Variants in ARHGAP25 observed in about 807,000 individuals in gnomAD.
The protein encoded by ARHGAP25 is Rho GTPase activating protein 25.
ARHGAP25 carries 34 observed loss-of-function variants against 71.0 expected under a neutral mutation model. The observed-to-expected ratio is 0.48, with a 90% confidence interval of 0.36 to 0.64. The LOEUF (loss-of-function observed/expected upper bound fraction) is 0.64, where lower values mean the gene tolerates loss of function less well. Ranked by LOEUF, ARHGAP25 falls within the 30% of genes least tolerant of loss-of-function variation. The probability of loss-of-function intolerance (pLI) is 0.00; values close to 1 mark genes in which losing one functional copy is unlikely to be tolerated. For missense variants in ARHGAP25, 706 were observed against 805.1 expected (o/e 0.88, Z 1.49); for synonymous variants, 282 against 296.5 (o/e 0.95, Z 0.50).
chr2:68,733,402 G>A (rs1675077843), upstream of ARHGAP25, among the ~76,000 whole-genome samples: 1 of 152,172 alleles, frequency 6.6e-6, no homozygotes, highest in Non-Finnish European at 1.5e-5. Context: ...AGAGATATTT[G>A]CAAGTTAGAC....
At chr2:68,775,809 C>A in intron 2 of ARHGAP25, 1 of 425,012 alleles carries the variant, frequency 2.4e-6, no homozygotes. Flanking sequence ...ATGCCACACA[C>A]TGTTCTAGGT....
chr2:68,807,549 C>T (rs576542477), intron 5 of ARHGAP25, 69 bp downstream of exon 5: 1 of 1,480,336 alleles, frequency 6.8e-7, no homozygotes, highest in East Asian at 2.3e-5. Flanking sequence ...GAGGGCCTCT[C>T]CATTCCAGTT....
At chr2:68,801,462 GCTTGCTGTATCA>G (rs1308354308) in intron 4 of ARHGAP25, among the ~76,000 whole-genome samples, 1 of 152,208 alleles carries the variant, frequency 6.6e-6, no homozygotes, top group Non-Finnish European at 1.5e-5. Flanking sequence ...GAAGGAGGTG[GCTTGCTGTATCA>G]CTTGCTGCTG....
intron 2 of ARHGAP25, among the ~76,000 whole-genome samples, chr2:68,781,346 C>T (rs567176699): frequency 6.6e-5 from 10 of 152,144 alleles, no homozygotes; most frequent in East Asian, 1.9e-4. Context: ...GCTGAGATCA[C>T]GCCACTGCAC....
intron 2 of ARHGAP25, among the ~76,000 whole-genome samples, chr2:68,718,067 T>A (rs1674660976): frequency 6.6e-6 from 1 of 151,886 alleles, no homozygotes; most frequent in South Asian, 2.1e-4. Flanking sequence ...CTGTGAACAC[T>A]CAGCAGCTAC....
chr2:68,798,994 T>C (rs1679770285), intron 4 of ARHGAP25, among the ~76,000 whole-genome samples: 1 of 152,120 alleles, frequency 6.6e-6, no homozygotes, highest in South Asian at 2.1e-4. Flanking sequence ...GGAAAATGGA[T>C]TGGGCTGGAG....
At chr2:68,788,547 A>G (rs1377566034) in intron 4 of ARHGAP25, among the ~76,000 whole-genome samples, 1 of 152,216 alleles carries the variant, frequency 6.6e-6, no homozygotes, top group Non-Finnish European at 1.5e-5. Flanking sequence ...ACAACTCAAG[A>G]ATTTGAGCTC....
At position 68,783,466 on chromosome 2, in the gene ARHGAP25, GT is replaced by G. The variant is rs1260324902; in HGVS notation, c.349+1157del. ...TTTGTTTTTTTTGTTTTTTGTTTTT[GT>G]TTTTTTTTTTGAGTTGGGACAGTCT... On this transcript the variant is annotated intron_variant, in intron 3 of 10. Coordinates refer to ENST00000409202, the MANE Select transcript of ARHGAP25 (RefSeq NM_001007231.3). Among the ~76,000 whole-genome samples the G allele has an allele frequency of 1.5e-3, 214 of 143,876 alleles. No individual in the cohort carries two copies. In the East Asian group the frequency reaches 0.023, roughly 16 times the overall value. The allele number at this position is 143,876 out of a possible 152,430, so 94.4% of individuals were successfully genotyped here. A position where few individuals can be genotyped will look rare whatever the true frequency, so the allele number is the denominator to read the frequency against.
chr2:68,732,466 G>A (rs1356519709), upstream of ARHGAP25, among the ~76,000 whole-genome samples: 2 of 152,182 alleles, frequency 1.3e-5, no homozygotes, highest in Non-Finnish European at 2.9e-5. Flanking sequence ...TCTCACACCC[G>A]CTTAATTAAG....
chr2:68,765,480 T>C (rs1346583999), intron 1 of ARHGAP25, among the ~76,000 whole-genome samples: 2 of 152,206 alleles, frequency 1.3e-5, no homozygotes, highest in South Asian at 2.1e-4. Flanking sequence ...TGAACCCCCA[T>C]GTAGACCCAC....
At chr2:68,758,455 A>G (rs1676610515) in intron 1 of ARHGAP25, among the ~76,000 whole-genome samples, 2 of 151,998 alleles carry the variant, frequency 1.3e-5, no homozygotes, top group Admixed American at 6.5e-5. Flanking sequence ...AGAATGAGTG[A>G]CTATACTAAT....
In ARHGAP25 at chr2:68,819,332, G is replaced by T. The variant is rs770211030; in HGVS notation, c.1200+13G>T. 6.2e-7 allele frequency: 1 copy of T among 1,613,448 alleles called. No individual in the cohort carries two copies. The highest frequency in any genetic ancestry group is 8.5e-7 in the Non-Finnish European group (1 of 1,179,362). On this transcript the variant is annotated intron_variant, in intron 9 of 10. Coordinates refer to ENST00000409202, the MANE Select transcript of ARHGAP25 (RefSeq NM_001007231.3). ...CTTCAGTAGCATGGTAAGGTGCAGA[G>T]AACCTTCCTGCTTCCATTGGGTTCT...
chr2:68,816,212 G>C (rs1382079167), intron 6 of ARHGAP25, 77 bp from the exon 7 acceptor site: 1 of 1,217,846 alleles, frequency 8.2e-7, no homozygotes, highest in Admixed American at 1.7e-5. Flanking sequence ...CACCAATTCT[G>C]TCCCAGGGTC....
At chr2:68,815,836 C>T (rs575709690) in intron 6 of ARHGAP25, among the ~76,000 whole-genome samples, 13 of 152,080 alleles carry the variant, frequency 8.5e-5, no homozygotes, top group Non-Finnish European at 1.3e-4. Flanking sequence ...CTCTGTGTCC[C>T]GGCATGTCTC....
intron 4 of ARHGAP25, among the ~76,000 whole-genome samples, chr2:68,791,633 C>T (rs1213078598): frequency 6.6e-6 from 1 of 152,072 alleles, no homozygotes; most frequent in Non-Finnish European, 1.5e-5. Flanking sequence ...GACAGCAAAA[C>T]ATTTTCAGAC....
intron 1 of ARHGAP25, among the ~76,000 whole-genome samples, chr2:68,758,051 CT>C (rs1296914488): frequency 6.6e-6 from 1 of 151,932 alleles, no homozygotes; most frequent in African/African-American, 2.4e-5. Context: ...AATATCATCA[CT>C]TTAGGATAGT....
chr2:68,787,231 G>A (rs1678822664), intron 3 of ARHGAP25, among the ~76,000 whole-genome samples: 1 of 152,142 alleles, frequency 6.6e-6, no homozygotes, highest in Non-Finnish European at 1.5e-5. Flanking sequence ...TATAATCTTA[G>A]GTTTGAAGTG....
At chr2:68,741,066 A>G (rs1675495296) in intron 1 of ARHGAP25, among the ~76,000 whole-genome samples, 1 of 152,274 alleles carries the variant, frequency 6.6e-6, no homozygotes, top group African/African-American at 2.4e-5. Flanking sequence ...TTAGGTGCTC[A>G]GCAAACATCT....
intron 4 of ARHGAP25, among the ~76,000 whole-genome samples, chr2:68,796,286 T>C (rs890493421): frequency 6.6e-6 from 1 of 152,238 alleles, no homozygotes; most frequent in Non-Finnish European, 1.5e-5. Context: ...TTGCATCTAA[T>C]TAGGCTTCCT....
Sources: gnomAD v4.1 joint callset for allele counts (sites outside exome capture counted in the v4.1 genomes callset) on GRCh38, gnomAD v4.1.1 for gene constraint, MANE v1.5 for transcripts, NCBI Gene and HGNC (gene_info 2026-07-23, HGNC 2026-07-21) for gene names.